The following ARHGEF7 variants were observed in gnomAD, a reference collection of about 807,000 sequenced individuals.
ARHGEF7 encodes Rho guanine nucleotide exchange factor 7.
ARHGEF7 carries 33 observed loss-of-function variants against 109.8 expected under a neutral mutation model. That is an observed-to-expected ratio of 0.30 (90% CI 0.23 to 0.40). The LOEUF (loss-of-function observed/expected upper bound fraction) is 0.40, where lower values mean the gene tolerates loss of function less well. Among genes scored for constraint, ARHGEF7 ranks in the 10% least tolerant of loss-of-function variants. The pLI is 1.00. For synonymous variants in ARHGEF7, 458 were observed against 424.6 expected (o/e 1.08, Z -0.97); for missense variants, 938 against 1,098.5 (o/e 0.85, Z 2.07).
Position 111,303,498 on chromosome 13 carries a change from G to C in ARHGEF7, c.*385G>C, listed in dbSNP as rs41275854. On this transcript the variant is annotated 3_prime_UTR_variant, in exon 22 of 22. Coordinates refer to ENST00000646102, the MANE Select transcript of ARHGEF7 (RefSeq NM_001354046.2). ...ATGCATACCTGTGGTGGTTCTGTCC[G>C]GGCTAATCCCCATGCTAGAATGTCC... The C allele has an allele frequency of 5.2e-5, 8 of 153,048 alleles. No homozygotes were observed. Among genetic ancestry groups the C allele is most frequent in the Admixed American group, 4.5e-4 (7 of 15,392 alleles). The allele number at this position is 153,048 out of a possible 1,614,324, so 9.5% of individuals were successfully genotyped here.
intron 21 of ARHGEF7, among the ~76,000 whole-genome samples, chr13:111,302,428 A>G (rs2093589974): frequency 6.6e-6 from 1 of 152,208 alleles, no homozygotes. Flanking sequence ...GGAACTGGAC[A>G]TGTGCTGTCA....
At chr13:111,153,667 C>G in intron 1 of ARHGEF7, 1 of 1,243,626 alleles carries the variant, frequency 8.0e-7, no homozygotes, top group Non-Finnish European at 1.0e-6. Flanking sequence ...CCGGGGCTCA[C>G]TTCCTGGTGC....
chr13:111,283,447 T>G, intron 16 of ARHGEF7, 84 bp downstream of exon 16: 1 of 1,483,850 alleles, frequency 6.7e-7, no homozygotes, highest in Non-Finnish European at 8.9e-7. Context: ...GGGCCTTCTG[T>G]GTACAGCAAA....
chr13:111,154,226 AG>A (rs1566643651), intron 2 of ARHGEF7, among the ~76,000 whole-genome samples: 1 of 152,220 alleles, frequency 6.6e-6, no homozygotes, highest in Non-Finnish European at 1.5e-5. Context: ...GTGGAACCCC[AG>A]ACATTGCTCT....
chr13:111,299,685 G>A (rs987145055), intron 19 of ARHGEF7, among the ~76,000 whole-genome samples: 1 of 152,126 alleles, frequency 6.6e-6, no homozygotes, highest in Non-Finnish European at 1.5e-5. Flanking sequence ...CATTCGTATT[G>A]TACTGAGCTT....
Position 111,192,653 on chromosome 13 carries a change from G to A in ARHGEF7, c.253-12636G>A, listed in dbSNP as rs527839657. 7.3e-3 allele frequency among the ~76,000 whole-genome samples: 1,115 copies of A among 152,188 alleles called. 13 individuals are homozygous for A. Among genetic ancestry groups the A allele is most frequent in the African/African-American group, 0.025 (1,050 of 41,496 alleles). ...TCTTGAGTGTTTTGTTTGCCTTCTCGACCTTCCCTGAGGATTGTGGCCTCC... is the reference window on the plus strand; with the variant it reads ...TCTTGAGTGTTTTGTTTGCCTTCTCAACCTTCCCTGAGGATTGTGGCCTCC... On this transcript the variant is annotated intron_variant, in intron 2 of 21. Coordinates refer to ENST00000646102, the MANE Select transcript of ARHGEF7 (RefSeq NM_001354046.2).
At chr13:111,193,710 A>T (rs2080167606) in intron 2 of ARHGEF7, among the ~76,000 whole-genome samples, 1 of 152,348 alleles carries the variant, frequency 6.6e-6, no homozygotes, top group South Asian at 2.1e-4. Context: ...TTACATCACT[A>T]ACTATGGCAT....
Position 111,305,506 on chromosome 13 carries a change from G to A in ARHGEF7, c.*2393G>A, listed in dbSNP as rs541794802. On this transcript the variant is annotated 3_prime_UTR_variant, in exon 22 of 22. Transcript: ENST00000646102. ...CGTTCCTTCACACTCAGTGGCGTCTGTGCTTGTCCACATGCGCTGGGCGTC... is the reference window on the plus strand; with the variant it reads ...CGTTCCTTCACACTCAGTGGCGTCTATGCTTGTCCACATGCGCTGGGCGTC... 1.3e-5 allele frequency: 2 copies of A among 152,356 alleles called. No homozygotes were observed. The highest frequency in any genetic ancestry group is 1.9e-4 in the East Asian group (1 of 5,184). The allele number at this position is 152,356 out of a possible 1,614,324, so 9.4% of individuals were successfully genotyped here. A position where few individuals can be genotyped will look rare whatever the true frequency, so the allele number is the denominator to read the frequency against.
At chr13:111,210,032 A>G in intron 4 of ARHGEF7, 30 bp downstream of exon 4, 2 of 1,613,938 alleles carry the variant, frequency 1.2e-6, no homozygotes, top group Non-Finnish European at 8.5e-7. Flanking sequence ...TTACTTAAAT[A>G]TGTTTGGGAA....
At chr13:111,193,170 A>G (rs1446300358) in intron 2 of ARHGEF7, among the ~76,000 whole-genome samples, 2 of 152,230 alleles carry the variant, frequency 1.3e-5, no homozygotes, top group Admixed American at 6.5e-5. Context: ...GGCTTTGGGT[A>G]TAAGTACCTT....
At chr13:111,168,839 T>C (rs1860339822) in intron 2 of ARHGEF7, among the ~76,000 whole-genome samples, 1 of 152,238 alleles carries the variant, frequency 6.6e-6, no homozygotes, top group Non-Finnish European at 1.5e-5. Context: ...CCTTGATGAC[T>C]GATCGCCAGT....
intron 16 of ARHGEF7, among the ~76,000 whole-genome samples, chr13:111,284,148 C>T (rs1359877818): frequency 6.6e-6 from 1 of 151,988 alleles, no homozygotes; most frequent in Non-Finnish European, 1.5e-5. Flanking sequence ...GTGTGGGTAT[C>T]GTGCGCGTCA....
chr13:111,280,470 G>A, intron 14 of ARHGEF7, 68 bp from the exon 15 acceptor site: 1 of 1,581,474 alleles, frequency 6.3e-7, no homozygotes, highest in South Asian at 1.2e-5. Context: ...TGGAATTCTG[G>A]GGGGTGTGCA....
chr13:111,173,542 C>A (rs937952546), intron 2 of ARHGEF7, among the ~76,000 whole-genome samples: 2 of 152,188 alleles, frequency 1.3e-5, no homozygotes, highest in Non-Finnish European at 2.9e-5. Context: ...AGGGACAGGG[C>A]AGAGTGCTCA....
At chr13:111,215,371 C>CTTT (rs5806891) in intron 4 of ARHGEF7, among the ~76,000 whole-genome samples, 2 of 150,922 alleles carry the variant, frequency 1.3e-5, no homozygotes, top group Admixed American at 1.3e-4. Context: ...ATAAAGTGCC[C>CTTT]TTTTTTTTTG....
At chr13:111,175,592 C>T (rs570414700) in intron 2 of ARHGEF7, among the ~76,000 whole-genome samples, 44 of 152,260 alleles carry the variant, frequency 2.9e-4, no homozygotes, top group African/African-American at 9.6e-4. Flanking sequence ...GCCCCAGGGG[C>T]GGGCCTCCTA....
intron 4 of ARHGEF7, 104 bp downstream of exon 4, chr13:111,210,106 G>T: frequency 2.7e-6 from 4 of 1,469,224 alleles, no homozygotes; most frequent in Non-Finnish European, 3.7e-6. Flanking sequence ...GTGTTAAACA[G>T]GGCAAAGGTA....
At chr13:111,243,644 A>G (rs115239730) in intron 6 of ARHGEF7, among the ~76,000 whole-genome samples, 3,243 of 152,332 alleles carry the variant, frequency 0.021, 122 homozygotes, top group African/African-American at 0.074. Context: ...TACCTGTCAG[A>G]TACGGTTGGC....
intron 17 of ARHGEF7, among the ~76,000 whole-genome samples, chr13:111,287,085 C>T (rs777669444): frequency 2.0e-5 from 3 of 152,208 alleles, no homozygotes; most frequent in East Asian, 1.9e-4. Flanking sequence ...CTCCCCTCAC[C>T]GCCACCTTAT....
Sources: gnomAD v4.1 joint callset for allele counts (sites outside exome capture counted in the v4.1 genomes callset) on GRCh38, gnomAD v4.1.1 for gene constraint, MANE v1.5 for transcripts, NCBI Gene and HGNC (gene_info 2026-07-23, HGNC 2026-07-21) for gene names.